The following PAOX variants were observed in gnomAD, a reference collection of about 807,000 sequenced individuals.
The protein encoded by PAOX is polyamine oxidase.
Under a neutral mutation model 39.0 loss-of-function variants are expected in PAOX, and 38 were observed. That is an observed-to-expected ratio of 0.97 (90% CI 0.75 to 1.28). The LOEUF is 1.28. Among genes scored for constraint, PAOX ranks in the 50% most tolerant of loss-of-function variants. The pLI, the probability that PAOX is intolerant of heterozygous loss-of-function variation, is 0.00. For synonymous variants in PAOX, 311 were observed against 314.4 expected (o/e 0.99, Z 0.11); for missense variants, 667 against 685.7 (o/e 0.97, Z 0.30).
chr10:133,387,027 C>T (rs970983939), intron 4 of PAOX, among the ~76,000 whole-genome samples: 2 of 152,154 alleles, frequency 1.3e-5, no homozygotes, highest in African/African-American at 4.8e-5. Flanking sequence ...GCCGGTAATT[C>T]CAGCACTTTG....
Position 133,381,098 on chromosome 10 carries a change from G to A in PAOX, c.669-362G>A, listed in dbSNP as rs1162671224. ...TGGCAGGGTGGCTGCCAGGTACCAG[G>A]TGCAGATGAGACCCTCCTCGGGCTG... On this transcript the variant is annotated intron_variant, in intron 2 of 6. Coordinates refer to ENST00000278060, the MANE Select transcript of PAOX (RefSeq NM_152911.4). Among the ~76,000 whole-genome samples, 4 of 152,368 alleles carry A rather than the reference G, an allele frequency of 2.6e-5. 1 individual carries two copies.
chr10:133,384,041 T>TA lies in PAOX; in HGVS notation c.950_951insA (p.Phe317LeufsTer12). The TA allele has an allele frequency of 2.5e-6, 4 of 1,614,172 alleles. No homozygotes were observed. The highest frequency in any genetic ancestry group is 3.4e-6 in the Non-Finnish European group (4 of 1,180,008). The stretch of plus-strand genomic sequence containing the variant: ...GCAGAAGCAATCAGGAAGATAGGCT[T>TA]TGGGACCAACAACAAAATCTTCCTG... On this transcript the variant is annotated frameshift_variant, in exon 4 of 7. Coordinates refer to ENST00000278060, the MANE Select transcript of PAOX (RefSeq NM_152911.4). LOFTEE classifies it high-confidence loss of function. This position sits in a 1 kb window ranked among gnomAD's most constrained non-coding sequence, Gnocchi z 4.3.
In PAOX at chr10:133,384,295, A is replaced by C; in HGVS notation, c.1121+83A>C. On this transcript the variant is annotated intron_variant, in intron 4 of 6. Transcript: ENST00000278060. This position sits in a 1 kb window ranked among gnomAD's most constrained non-coding sequence, Gnocchi z 4.3. The stretch of plus-strand genomic sequence containing the variant: ...GGAGGACGCAGCAGTGTGTCTGTTC[A>C]CTGCAGGGTATTTCTAGGGGGTTTA... 1 of 1,546,116 alleles carries C rather than the reference A, an allele frequency of 6.5e-7. No individual in the cohort carries two copies. The highest frequency in any genetic ancestry group is 8.8e-7 in the Non-Finnish European group (1 of 1,141,628).
At chr10:133,386,081 G>GA (rs1849525235) in intron 4 of PAOX, among the ~76,000 whole-genome samples, 1 of 147,744 alleles carries the variant, frequency 6.8e-6, no homozygotes, top group South Asian at 2.1e-4. Flanking sequence ...ATGGAATGCA[G>GA]TGGCGTGATC....
rs552287690 is a variant in PAOX at position 133,379,581 on chromosome 10, G to A, written c.181+84G>A. The A allele has an allele frequency of 1.1e-5, 12 of 1,114,406 alleles. No homozygotes were observed. In the African/African-American group the frequency reaches 1.6e-4, roughly 15 times the overall value. The allele number at this position is 1,114,406 out of a possible 1,614,324, so 69.0% of individuals were successfully genotyped here. The stretch of plus-strand genomic sequence containing the variant: ...GCCCCAACCTGCCCTGCGCGCAGCC[G>A]ACCTGCCCGGCCGCCTCACCGGGCT... On this transcript the variant is annotated intron_variant, in intron 1 of 6. Coordinates refer to ENST00000278060, the MANE Select transcript of PAOX (RefSeq NM_152911.4).
At chr10:133,387,720 C>G (rs1849564185) in intron 4 of PAOX, among the ~76,000 whole-genome samples, 1 of 152,182 alleles carries the variant, frequency 6.6e-6, no homozygotes, top group Admixed American at 6.6e-5. Context: ...CTTCTCCACG[C>G]AGATTATTAT....
At chr10:133,390,790 A>T in intron 6 of PAOX, 1 of 599,902 alleles carries the variant, frequency 1.7e-6, no homozygotes, top group Non-Finnish European at 3.0e-6. Context: ...ATAAGGCTGT[A>T]GCTTTCTTCC....
intron 2 of PAOX, 84 bp downstream of exon 2, chr10:133,380,569 G>A: frequency 6.9e-7 from 1 of 1,458,444 alleles, no homozygotes; most frequent in South Asian, 1.4e-5. Context: ...CTCTTGCTTG[G>A]GTATGGGAGG....
chr10:133,379,652 C>A, intron 1 of PAOX, 155 bp downstream of exon 1: 1 of 677,712 alleles, frequency 1.5e-6, no homozygotes, highest in Non-Finnish European at 2.1e-6. Context: ...GTTCACCGCC[C>A]CGAAACTCAG....
At position 133,391,445 on chromosome 10, in the gene PAOX, C is replaced by T. The variant is rs776336015; in HGVS notation, c.1526C>T (p.Pro509Leu). 6.1e-5 allele frequency: 98 copies of T among 1,611,974 alleles called. No homozygotes were observed. The highest frequency in any genetic ancestry group is 1.1e-4 in the South Asian group (10 of 91,018). The stretch of plus-strand genomic sequence containing the variant: ...GCCCCGCAGGTGCAGCAGCCCAGGC[C>T]CAGGCTCTAGCTGGGCCCAGCCTAC... The part of the protein sequence containing the change: ...LWAPQVQQPR[P>L]RL The change falls in exon 7 of 7, where the codon CCC becomes CTC. Residue 509 changes from proline to leucine, a missense_variant. Transcript: ENST00000278060.
chr10:133,387,244 A>G (rs376461372), intron 4 of PAOX, among the ~76,000 whole-genome samples: 6 of 152,114 alleles, frequency 3.9e-5, no homozygotes, highest in African/African-American at 1.2e-4. Flanking sequence ...AAGCCACTGA[A>G]CTCCAGCCTG....
Position 133,379,946 on chromosome 10 carries a change from G to A in PAOX, c.182-53G>A, listed in dbSNP as rs1849307582. The A allele has an allele frequency of 2.1e-5, 32 of 1,501,260 alleles. No individual in the cohort carries two copies. In the South Asian group the frequency reaches 3.2e-4, roughly 15 times the overall value. The allele number at this position is 1,501,260 out of a possible 1,614,324, so 93.0% of individuals were successfully genotyped here. ...GGCGTGGCCCAGGAGAAGGGCTCGG[G>A]GTGACCCTTCTAGGAAAGGGACCTC... On this transcript the variant is annotated intron_variant, in intron 1 of 6. Transcript: ENST00000278060.
chr10:133,383,867 A>G, intron 3 of PAOX, 93 bp from the exon 4 acceptor site: 1 of 1,457,940 alleles, frequency 6.9e-7, no homozygotes, highest in Non-Finnish European at 9.2e-7. Flanking sequence ...GATAAACACC[A>G]GCAGGGGAAA....
rs1280849884 is a variant in PAOX at position 133,380,315 on chromosome 10, C to T, written c.498C>T (p.His166=). 6.2e-7 allele frequency: 1 copy of T among 1,612,896 alleles called. No individual in the cohort carries two copies. The highest frequency in any genetic ancestry group is 8.5e-7 in the Non-Finnish European group (1 of 1,180,034). Residue 166 remains histidine, a synonymous_variant, in exon 2 of 7, where the codon CAC becomes CAT. Coordinates refer to ENST00000278060, the MANE Select transcript of PAOX (RefSeq NM_152911.4). ...ACCTCAAGAAGGAGATTGGCCAGCA[C>T]GTGGCCGGCTGGACAGAGGATGAGG... The part of the protein sequence containing the change: ...GEYLKKEIGQ[H]VAGWTEDEET...
Position 133,389,023 on chromosome 10 carries a change from G to A in PAOX, c.1189G>A (p.Glu397Lys). ...TGAGTTCATGGAGACTCTGTCGGAT[G>A]AAGAAGTACTTCTGTGTCTCACCCA... is the stretch of plus-strand genomic sequence containing the variant. Reference protein sequence around the residue: ...ESEFMETLSDEEVLLCLTQVL... With the variant: ...ESEFMETLSDKEVLLCLTQVL... Residue 397 changes from glutamate to lysine, a missense_variant, in exon 5 of 7, where the codon GAA becomes AAA. Transcript: ENST00000278060. 1 of 1,614,206 alleles carries A rather than the reference G, an allele frequency of 6.2e-7. No individual in the cohort carries two copies. The highest frequency in any genetic ancestry group is 8.5e-7 in the Non-Finnish European group (1 of 1,180,034).
intron 4 of PAOX, 41 bp from the exon 5 acceptor site, chr10:133,388,915 A>G (rs776403924): frequency 1.0e-6 from 1 of 996,328 alleles, no homozygotes; most frequent in Admixed American, 1.7e-5. Context: ...CTCTTTCTCC[A>G]TGCAGGTCTG....
chr10:133,385,024 G>A (rs1413505054), intron 4 of PAOX, among the ~76,000 whole-genome samples: 2 of 152,174 alleles, frequency 1.3e-5, no homozygotes, highest in Non-Finnish European at 1.5e-5. Context: ...GGCCAGGCGC[G>A]GTGGCTCATG....
chr10:133,383,581 C>T (rs1033897042), intron 3 of PAOX, among the ~76,000 whole-genome samples: 8 of 135,948 alleles, frequency 5.9e-5, no homozygotes, highest in African/African-American at 1.4e-4. Context: ...CCAGCTTGGG[C>T]GACAGAGTGA....
chr10:133,390,156 TC>T (rs1849636266), intron 6 of PAOX, among the ~76,000 whole-genome samples: 1 of 152,116 alleles, frequency 6.6e-6, no homozygotes, highest in African/African-American at 2.4e-5. Context: ...CCACCAGGCT[TC>T]CCCTAAGCCA....
Sources: gnomAD v4.1 joint callset for allele counts (sites outside exome capture counted in the v4.1 genomes callset) on GRCh38, gnomAD v4.1.1 for gene constraint, Gnocchi (gnomAD v3.1) non-coding constraint, MANE v1.5 for transcripts, NCBI Gene and HGNC (gene_info 2026-07-23, HGNC 2026-07-21) for gene names.